Variants in ROBO1 observed in about 807,000 individuals in gnomAD.
ROBO1 encodes roundabout guidance receptor 1, also known as roundabout homolog 1.
In ROBO1, 149 loss-of-function variants were observed where a neutral mutation model predicts 195.9. The observed-to-expected ratio is 0.76, with a 90% CI of 0.67 to 0.87. ROBO1 has a LOEUF of 0.87. ROBO1 is among the 40% of genes least tolerant of loss of function. The pLI is 0.00. For missense variants in ROBO1, 1,933 were observed against 2,068.3 expected, an observed-to-expected ratio of 0.93 and a Z score of 1.27; for synonymous variants, 816 against 733.2, an observed-to-expected ratio of 1.11 and a Z score of -1.82.
At chr3:79,378,065 T>C (rs1018849425) in intron 2 of ROBO1, among the ~76,000 whole-genome samples, 2 of 152,058 alleles carry the variant, frequency 1.3e-5, no homozygotes, top group Non-Finnish European at 2.9e-5. Context: ...AATATATATA[T>C]ACTCAATATT....
In ROBO1 at chr3:78,923,636, C is replaced by G. The variant is rs2039060244; in HGVS notation, c.499+14965G>C. ...GAAGAGGAAGAAGTGAGAAACTTCTCATTCCAGAAGAAGTTACTCCTTCCT... is the reference window on the plus strand; with the variant it reads ...GAAGAGGAAGAAGTGAGAAACTTCTGATTCCAGAAGAAGTTACTCCTTCCT... On this transcript the variant is annotated intron_variant, in intron 4 of 30. Transcript: ENST00000464233. Among the ~76,000 whole-genome samples, 3 of 152,260 alleles carry G rather than the reference C, an allele frequency of 2.0e-5. No homozygotes were observed. The South Asian group carries it at 6.3e-4, about 32-fold the overall frequency.
intron 2 of ROBO1, among the ~76,000 whole-genome samples, chr3:79,455,939 G>T (rs529958632): frequency 1.3e-5 from 2 of 151,972 alleles, no homozygotes. Flanking sequence ...AAAGAAACCC[G>T]AGTAGCTCTA....
chr3:79,617,961 T>C (rs1392085473), intron 1 of ROBO1, among the ~76,000 whole-genome samples: 6 of 144,886 alleles, frequency 4.1e-5, no homozygotes, highest in Non-Finnish European at 1.5e-5. Context: ...AAAAATACAT[T>C]AAAAGATTTA....
chr3:79,707,234 T>C (rs1182389588), intron 1 of ROBO1, among the ~76,000 whole-genome samples: 1 of 152,158 alleles, frequency 6.6e-6, no homozygotes, highest in East Asian at 1.9e-4. Context: ...ACATATGGTG[T>C]CTTTCAAGTA....
chr3:79,666,843 T>A (rs1006080010), intron 1 of ROBO1, among the ~76,000 whole-genome samples: 3 of 151,978 alleles, frequency 2.0e-5, no homozygotes, highest in Admixed American at 2.0e-4. Context: ...ACTTTAAAGA[T>A]CATTTTAAAC....
intron 2 of ROBO1, among the ~76,000 whole-genome samples, chr3:79,203,271 C>G (rs894332621): frequency 3.3e-5 from 5 of 152,254 alleles, no homozygotes; most frequent in South Asian, 4.1e-4. Context: ...GGTTCTATAT[C>G]AAAGCCATCT....
At chr3:78,873,944 G>C (rs996999327) in intron 4 of ROBO1, among the ~76,000 whole-genome samples, 2 of 151,548 alleles carry the variant, frequency 1.3e-5, no homozygotes, top group African/African-American at 2.4e-5. Flanking sequence ...GTCTAAATTT[G>C]GATTCAAACT....
chr3:79,464,097 AGCAT>A (rs760476293), intron 2 of ROBO1, among the ~76,000 whole-genome samples: 42 of 152,196 alleles, frequency 2.8e-4, no homozygotes, highest in Non-Finnish European at 5.4e-4. Context: ...TCCATGTTGT[AGCAT>A]GCATCAGATC....
At chr3:79,469,022 A>C (rs940611836) in intron 2 of ROBO1, among the ~76,000 whole-genome samples, 1 of 152,196 alleles carries the variant, frequency 6.6e-6, no homozygotes, top group Non-Finnish European at 1.5e-5. Context: ...CAAGTACTTA[A>C]AATCTACTTA....
intron 8 of ROBO1, among the ~76,000 whole-genome samples, chr3:78,709,594 C>G (rs2108001688): frequency 6.6e-6 from 1 of 152,256 alleles, no homozygotes; most frequent in East Asian, 1.9e-4. Context: ...CAAGTAATCC[C>G]ATGAATGTTA....
intron 2 of ROBO1, among the ~76,000 whole-genome samples, chr3:79,516,575 C>G (rs955000906): frequency 2.0e-5 from 3 of 152,182 alleles, no homozygotes; most frequent in Admixed American, 6.6e-5. Flanking sequence ...CACAAACAAA[C>G]ATGGATATAT....
chr3:79,486,555 A>G (rs926458997), intron 2 of ROBO1, among the ~76,000 whole-genome samples: 1 of 152,172 alleles, frequency 6.6e-6, no homozygotes, highest in East Asian at 1.9e-4. Flanking sequence ...CTTAATGGGG[A>G]AAAAGGTTAC....
intron 4 of ROBO1, among the ~76,000 whole-genome samples, chr3:78,797,194 G>C (rs2084210196): frequency 6.6e-6 from 1 of 152,106 alleles, no homozygotes; most frequent in Non-Finnish European, 1.5e-5. Flanking sequence ...ATGTTTAAAT[G>C]AGTGTACCAT....
At chr3:78,958,334 A>G (rs918377926) in intron 3 of ROBO1, among the ~76,000 whole-genome samples, 2 of 152,212 alleles carry the variant, frequency 1.3e-5, no homozygotes, top group African/African-American at 4.8e-5. Flanking sequence ...AGGGCTTTGA[A>G]CTAAAACATT....
intron 8 of ROBO1, among the ~76,000 whole-genome samples, chr3:78,711,398 C>CCTTTCTTTCTTT (rs1235633066): frequency 2.8e-4 from 11 of 39,946 alleles, no homozygotes; most frequent in Admixed American, 6.7e-4. Flanking sequence ...TTCCTTCCTT[C>CCTTTCTTTCTTT]CTTTCTTTCT....
chr3:78,740,441 T>C (rs1200521800), intron 5 of ROBO1, among the ~76,000 whole-genome samples: 1 of 59,864 alleles, frequency 1.7e-5, no homozygotes, highest in Non-Finnish European at 3.6e-5. Context: ...TTATTTCTTA[T>C]TTTTCTTTTT....
intron 5 of ROBO1, among the ~76,000 whole-genome samples, chr3:78,724,428 C>T (rs897476026): frequency 6.0e-5 from 9 of 150,160 alleles, no homozygotes; most frequent in African/African-American, 2.2e-4. Flanking sequence ...GTAATCCCAG[C>T]ACTTCGGGAG....
intron 3 of ROBO1, among the ~76,000 whole-genome samples, chr3:78,990,053 G>A (rs971487005): frequency 4.0e-5 from 6 of 151,836 alleles, no homozygotes; most frequent in African/African-American, 1.5e-4. Context: ...AGCCACTGCA[G>A]GAAAAAAGAA....
At chr3:79,319,938 AC>A (rs2033904351) in intron 2 of ROBO1, among the ~76,000 whole-genome samples, 1 of 152,196 alleles carries the variant, frequency 6.6e-6, no homozygotes, top group African/African-American at 2.4e-5. Flanking sequence ...ATATTAAATA[AC>A]TTTTTCAAGT....
Sources: gnomAD v4.1 joint callset for allele counts (sites outside exome capture counted in the v4.1 genomes callset) on GRCh38, gnomAD v4.1.1 for gene constraint, MANE v1.5 for transcripts, NCBI Gene and HGNC (gene_info 2026-07-23, HGNC 2026-07-21) for gene names.